The following C1GALT1 variants were observed in gnomAD, a reference collection of about 807,000 sequenced individuals.
C1GALT1 encodes glycoprotein-N-acetylgalactosamine 3-beta-galactosyltransferase 1.
C1GALT1 carries 11 observed loss-of-function variants against 31.0 expected under a neutral mutation model. That is an observed-to-expected ratio of 0.36 (90% CI 0.22 to 0.59). The LOEUF (loss-of-function observed/expected upper bound fraction) is 0.59, where lower values mean the gene tolerates loss of function less well. Among genes scored for constraint, C1GALT1 ranks in the 20% least tolerant of loss-of-function variants. The probability of loss-of-function intolerance (pLI) is 0.79; values close to 1 mark genes in which losing one functional copy is unlikely to be tolerated. For missense variants in C1GALT1, 424 were observed against 425.2 expected, an observed-to-expected ratio of 1.00 and a Z score of 0.03; for synonymous variants, 175 against 143.6, an observed-to-expected ratio of 1.22 and a Z score of -1.56.
chr7:7,226,936 GTA>G (rs748882904), intron 1 of C1GALT1, among the ~76,000 whole-genome samples: 1 of 152,014 alleles, frequency 6.6e-6, no homozygotes, highest in East Asian at 1.9e-4. Context: ...ATGTATATGT[GTA>G]TATATATATT....
intron 1 of C1GALT1, among the ~76,000 whole-genome samples, chr7:7,197,142 C>T (rs1331289170): frequency 6.6e-6 from 1 of 152,130 alleles, no homozygotes; most frequent in African/African-American, 2.4e-5. Flanking sequence ...ATGGTATTGC[C>T]TAGGTTTTCT....
chr7:7,241,948 A>G (rs1195277271), intron 3 of C1GALT1, among the ~76,000 whole-genome samples: 4 of 152,020 alleles, frequency 2.6e-5, no homozygotes, highest in Admixed American at 2.6e-4. Flanking sequence ...ATATTATTTT[A>G]CAGAATATAA....
intron 1 of C1GALT1, among the ~76,000 whole-genome samples, chr7:7,204,812 T>G (rs1781667407): frequency 6.6e-6 from 1 of 152,170 alleles, no homozygotes; most frequent in African/African-American, 2.4e-5. Flanking sequence ...CCATTGGTTG[T>G]TTGATTTCCA....
chr7:7,189,162 C>G (rs1369101735), intron 1 of C1GALT1, among the ~76,000 whole-genome samples: 1 of 152,096 alleles, frequency 6.6e-6, no homozygotes, highest in Non-Finnish European at 1.5e-5. Flanking sequence ...ACAGCTACTA[C>G]TATTCTATGC....
intron 1 of C1GALT1, among the ~76,000 whole-genome samples, chr7:7,232,623 G>A (rs749540959): frequency 6.6e-6 from 1 of 152,122 alleles, no homozygotes; most frequent in South Asian, 2.1e-4. Flanking sequence ...CCAGGTAGCT[G>A]GGATTACAGG....
intron 1 of C1GALT1, among the ~76,000 whole-genome samples, chr7:7,211,251 C>G (rs1291660017): frequency 6.6e-6 from 1 of 152,120 alleles, no homozygotes; most frequent in African/African-American, 2.4e-5. Flanking sequence ...AAGGAGTTAA[C>G]CAATTCCTTA....
intron 1 of C1GALT1, among the ~76,000 whole-genome samples, chr7:7,228,992 A>G (rs1782935122): frequency 6.6e-6 from 1 of 152,196 alleles, no homozygotes; most frequent in South Asian, 2.1e-4. Flanking sequence ...ATTGAGTAGC[A>G]TGTTAGTATT....
At chr7:7,172,201 C>T (rs1780460719) in intron 2 of C1GALT1, among the ~76,000 whole-genome samples, 2 of 152,186 alleles carry the variant, frequency 1.3e-5, no homozygotes, top group Non-Finnish European at 2.9e-5. Flanking sequence ...TTTTGAAGGA[C>T]AGTTTTGCTA....
intron 1 of C1GALT1, among the ~76,000 whole-genome samples, chr7:7,222,996 C>A (rs1583809233): frequency 6.6e-6 from 1 of 152,060 alleles, no homozygotes; most frequent in East Asian, 1.9e-4. Flanking sequence ...AATTAGAACA[C>A]ATACTTCTTA....
intron 1 of C1GALT1, among the ~76,000 whole-genome samples, chr7:7,210,269 C>T (rs1323770140): frequency 2.0e-5 from 3 of 152,118 alleles, no homozygotes; most frequent in African/African-American, 7.2e-5. Context: ...ATAATTTCAA[C>T]TGGAGACTTG....
upstream of C1GALT1, among the ~76,000 whole-genome samples, chr7:7,182,266 C>G (rs1021755442): frequency 6.6e-6 from 1 of 152,208 alleles, no homozygotes; most frequent in African/African-American, 2.4e-5. Flanking sequence ...TTCTCGCTCC[C>G]TATTGTTACC....
chr7:7,197,979 A>G (rs760788287), intron 1 of C1GALT1, among the ~76,000 whole-genome samples: 4 of 152,186 alleles, frequency 2.6e-5, no homozygotes, highest in Non-Finnish European at 5.9e-5. Context: ...TGTCATTTGC[A>G]AACAGGGACA....
At chr7:7,227,151 A>G (rs1307627404) in intron 1 of C1GALT1, among the ~76,000 whole-genome samples, 1 of 152,110 alleles carries the variant, frequency 6.6e-6, no homozygotes, top group Non-Finnish European at 1.5e-5. Flanking sequence ...AGATTCCTTT[A>G]TTTCCTATAA....
intron 1 of C1GALT1, among the ~76,000 whole-genome samples, chr7:7,224,088 A>G (rs543354683): frequency 2.0e-5 from 3 of 152,322 alleles, no homozygotes; most frequent in Non-Finnish European, 4.4e-5. Flanking sequence ...CCATCCTTAC[A>G]TACTCAGAAT....
At chr7:7,232,143 C>T (rs949937697) in intron 1 of C1GALT1, among the ~76,000 whole-genome samples, 1 of 152,172 alleles carries the variant, frequency 6.6e-6, no homozygotes, top group African/African-American at 2.4e-5. Context: ...CTCTTTCCTT[C>T]CTTCTTCCAG....
intron 1 of C1GALT1, among the ~76,000 whole-genome samples, chr7:7,200,939 G>A (rs1044647652): frequency 1.3e-5 from 2 of 152,092 alleles, no homozygotes; most frequent in African/African-American, 4.8e-5. Flanking sequence ...CGATGGGTTC[G>A]AGCATCCTCC....
At chr7:7,197,296 G>A (rs549475629) in intron 1 of C1GALT1, among the ~76,000 whole-genome samples, 5 of 152,296 alleles carry the variant, frequency 3.3e-5, no homozygotes, top group African/African-American at 1.2e-4. Flanking sequence ...TATTAAATAG[G>A]GAATCCTTTC....
intron 2 of C1GALT1, among the ~76,000 whole-genome samples, chr7:7,167,154 T>C (rs1780407377): frequency 1.3e-5 from 2 of 152,232 alleles, no homozygotes; most frequent in South Asian, 2.1e-4. Flanking sequence ...TCTTTACCTA[T>C]ACTCCTTCAG....
At chr7:7,225,870 G>GATA (rs1782738183) in intron 1 of C1GALT1, among the ~76,000 whole-genome samples, 1 of 152,176 alleles carries the variant, frequency 6.6e-6, no homozygotes, top group Non-Finnish European at 1.5e-5. Context: ...TCCATTTAAA[G>GATA]ATAATTTTAG....
Sources: gnomAD v4.1 joint callset for allele counts (sites outside exome capture counted in the v4.1 genomes callset) on GRCh38, gnomAD v4.1.1 for gene constraint, MANE v1.5 for transcripts, NCBI Gene and HGNC (gene_info 2026-07-23, HGNC 2026-07-21) for gene names.